GPATCH2: variants seen among roughly 807,000 people sequenced by gnomAD.
The protein encoded by GPATCH2 is G-patch domain containing 2.
A neutral mutation model predicts 58.0 loss-of-function variants in GPATCH2; 51 were observed. The ratio of observed to expected loss-of-function variants is 0.88; its 90% CI spans 0.70 to 1.11. The LOEUF (loss-of-function observed/expected upper bound fraction) is 1.11. GPATCH2 is among the 50% of genes most tolerant of loss of function. The pLI, the probability that GPATCH2 is intolerant of heterozygous loss-of-function variation, is 0.00. For synonymous variants in GPATCH2, 222 were observed against 218.5 expected (o/e 1.02, Z -0.14); for missense variants, 625 against 652.2 (o/e 0.96, Z 0.45).
At chr1:217,494,803 A>G (rs1393107370) in intron 7 of GPATCH2, among the ~76,000 whole-genome samples, 1 of 152,106 alleles carries the variant, frequency 6.6e-6, no homozygotes, top group Non-Finnish European at 1.5e-5. Context: ...AATTCAAAAC[A>G]AACAAGAATC....
chr1:217,523,862 C>G (rs1200142503), intron 5 of GPATCH2, among the ~76,000 whole-genome samples: 1 of 148,468 alleles, frequency 6.7e-6, no homozygotes, highest in Non-Finnish European at 1.5e-5. Context: ...CTGACCCCCA[C>G]ACCTCCCTCC....
chr1:217,458,770 G>T (rs1186713137), intron 8 of GPATCH2, among the ~76,000 whole-genome samples: 5 of 151,950 alleles, frequency 3.3e-5, no homozygotes, highest in Non-Finnish European at 7.4e-5. Context: ...TCCTCTTAGC[G>T]CCCTCAAGTC....
At chr1:217,451,916 T>TTGC (rs145180745) in intron 8 of GPATCH2, among the ~76,000 whole-genome samples, 5,401 of 152,286 alleles carry the variant, frequency 0.035, 172 homozygotes, top group African/African-American at 0.092. Context: ...TTTTCTATAC[T>TTGC]TGCTGAACGA....
intron 5 of GPATCH2, among the ~76,000 whole-genome samples, chr1:217,569,297 A>G (rs1177465904): frequency 2.0e-5 from 3 of 152,146 alleles, no homozygotes; most frequent in Non-Finnish European, 4.4e-5. Flanking sequence ...TACTCTCTTC[A>G]AAATTCTAAA....
At chr1:217,493,827 TTAATAA>T (rs914105629) in intron 7 of GPATCH2, among the ~76,000 whole-genome samples, 1 of 152,128 alleles carries the variant, frequency 6.6e-6, no homozygotes, top group African/African-American at 2.4e-5. Context: ...CTACATTAAA[TTAATAA>T]TAATAGTTAA....
intron 8 of GPATCH2, among the ~76,000 whole-genome samples, chr1:217,485,122 T>C (rs531124364): frequency 4.7e-4 from 71 of 152,224 alleles, no homozygotes; most frequent in African/African-American, 1.6e-3. Flanking sequence ...AGTAATGGGG[T>C]AAGACTTCAT....
chr1:217,508,887 A>G (rs532156542), intron 6 of GPATCH2, among the ~76,000 whole-genome samples: 2 of 152,320 alleles, frequency 1.3e-5, no homozygotes, highest in East Asian at 3.9e-4. Context: ...AACCTATCAT[A>G]CATTAATGAT....
chr1:217,563,905 G>A lies in GPATCH2; in HGVS notation c.1098+46416C>T, dbSNP rs778121242. ...ACTCAAAATACAAAATTAGCCAGGC[G>A]TGGTGGCGCATGCCTGTAATCCCAA... On this transcript the variant is annotated intron_variant, in intron 5 of 9. Coordinates refer to ENST00000366935, the MANE Select transcript of GPATCH2 (RefSeq NM_018040.5). 3.3e-5 allele frequency among the ~76,000 whole-genome samples: 5 copies of A among 151,900 alleles called. No homozygotes were observed. The South Asian group carries it at 6.2e-4, about 19-fold the overall frequency.
At chr1:217,511,426 A>G (rs1360359117) in intron 6 of GPATCH2, among the ~76,000 whole-genome samples, 3 of 152,176 alleles carry the variant, frequency 2.0e-5, no homozygotes, top group African/African-American at 7.2e-5. Flanking sequence ...CTCCCTTAAA[A>G]CTACTGCTGA....
chr1:217,611,874 T>C (rs1311963328), intron 3 of GPATCH2, among the ~76,000 whole-genome samples: 1 of 152,058 alleles, frequency 6.6e-6, no homozygotes, highest in Non-Finnish European at 1.5e-5. Flanking sequence ...AGAAGACAGA[T>C]GGCTTTTAAA....
At chr1:217,513,383 T>A (rs1188642959) in intron 6 of GPATCH2, among the ~76,000 whole-genome samples, 1 of 152,190 alleles carries the variant, frequency 6.6e-6, no homozygotes, top group Non-Finnish European at 1.5e-5. Context: ...AAGATTATGA[T>A]ATCATTTTGC....
At chr1:217,621,932 T>A (rs1047648885) in intron 1 of GPATCH2, among the ~76,000 whole-genome samples, 1 of 152,158 alleles carries the variant, frequency 6.6e-6, no homozygotes, top group East Asian at 1.9e-4. Context: ...ACAACAACCC[T>A]ATGAGGTGGG....
chr1:217,446,559 GACAA>G (rs984349229), intron 9 of GPATCH2, among the ~76,000 whole-genome samples: 5 of 152,054 alleles, frequency 3.3e-5, no homozygotes, highest in Non-Finnish European at 7.4e-5. Context: ...TCCTCTTAGA[GACAA>G]ACAGTTATGC....
chr1:217,545,576 T>C (rs900460609), intron 5 of GPATCH2, among the ~76,000 whole-genome samples: 2 of 152,202 alleles, frequency 1.3e-5, no homozygotes, highest in African/African-American at 4.8e-5. Flanking sequence ...CTAAACACTT[T>C]AACAGTAATT....
chr1:217,565,243 G>T (rs1045954294), intron 5 of GPATCH2, among the ~76,000 whole-genome samples: 1 of 152,036 alleles, frequency 6.6e-6, no homozygotes, highest in Non-Finnish European at 1.5e-5. Context: ...ATAAAATACT[G>T]ATTTTCAAAC....
At chr1:217,596,680 C>T (rs1458417445) in intron 5 of GPATCH2, among the ~76,000 whole-genome samples, 3 of 151,884 alleles carry the variant, frequency 2.0e-5, no homozygotes, top group East Asian at 1.9e-4. Flanking sequence ...TACTGCCAAA[C>T]GAATGAAAAT....
chr1:217,573,655 T>A (rs542438493), intron 5 of GPATCH2, among the ~76,000 whole-genome samples: 1 of 152,184 alleles, frequency 6.6e-6, no homozygotes, highest in African/African-American at 2.4e-5. Flanking sequence ...GACAAGCAGA[T>A]GAATTGTCTA....
chr1:217,480,701 T>C (rs144150528), intron 8 of GPATCH2, among the ~76,000 whole-genome samples: 1 of 152,302 alleles, frequency 6.6e-6, no homozygotes, highest in African/African-American at 2.4e-5. Flanking sequence ...CCATGTTTGT[T>C]GCAGCACAGT....
chr1:217,475,299 TGTG>T (rs1159106494), intron 8 of GPATCH2, among the ~76,000 whole-genome samples: 1 of 151,888 alleles, frequency 6.6e-6, no homozygotes, highest in Non-Finnish European at 1.5e-5. Context: ...ATTAGCTGGA[TGTG>T]GTGGCAGATG....
Sources: gnomAD v4.1 joint callset for allele counts (sites outside exome capture counted in the v4.1 genomes callset) on GRCh38, gnomAD v4.1.1 for gene constraint, MANE v1.5 for transcripts, NCBI Gene and HGNC (gene_info 2026-07-23, HGNC 2026-07-21) for gene names.